Variants in RPS6KA6 observed in about 807,000 individuals in gnomAD.
RPS6KA6 encodes ribosomal protein S6 kinase alpha-6.
A neutral mutation model predicts 65.4 loss-of-function variants in RPS6KA6; 27 were observed. That is an observed-to-expected ratio of 0.41 (90% CI 0.30 to 0.57). The LOEUF (loss-of-function observed/expected upper bound fraction) is 0.57. Among genes scored for constraint, RPS6KA6 ranks in the 20% least tolerant of loss-of-function variants. RPS6KA6 has a pLI of 0.24. For synonymous variants in RPS6KA6, 190 were observed against 184.2 expected, an observed-to-expected ratio of 1.03 and a Z score of -0.26; for missense variants, 486 against 555.6, an observed-to-expected ratio of 0.87 and a Z score of 1.26.
chrX:84,088,738 A>G (rs910461407), intron 20 of RPS6KA6, among the ~76,000 whole-genome samples: 4 of 112,128 alleles, frequency 3.6e-5, no homozygotes, highest in Non-Finnish European at 7.5e-5. Context: ...TGAGTCGAAC[A>G]ACCTGCAGAG....
chrX:84,086,997 A>G (rs1411332065), intron 20 of RPS6KA6, among the ~76,000 whole-genome samples: 1 of 110,012 alleles, frequency 9.1e-6, no homozygotes, highest in Non-Finnish European at 1.9e-5. Flanking sequence ...TCTGTTTTCT[A>G]TTTGCTTGGT....
At chrX:84,066,895 TGCCGCTCTGGGA>T (rs902409914) in intron 20 of RPS6KA6, among the ~76,000 whole-genome samples, 5 of 111,456 alleles carry the variant, frequency 4.5e-5, no homozygotes, top group African/African-American at 1.6e-4. Context: ...ATCAGGCTGG[TGCCGCTCTGGGA>T]CGGAGCTTCC....
chrX:84,140,758 C>CATATATAT (rs1191737057), intron 6 of RPS6KA6, among the ~76,000 whole-genome samples: 8 of 79,348 alleles, frequency 1.0e-4, no homozygotes, highest in African/African-American at 2.6e-4. Context: ...AAAAAACATA[C>CATATATAT]ATATATATAT....
chrX:84,128,421 T>C (rs2034835519), intron 8 of RPS6KA6, among the ~76,000 whole-genome samples: 1 of 111,318 alleles, frequency 9.0e-6, no homozygotes, highest in Non-Finnish European at 1.9e-5. Flanking sequence ...GTTAAAATTG[T>C]CCATACTACC....
At chrX:84,186,851 G>C (rs1289856371) in intron 1 of RPS6KA6, 1 of 111,295 alleles carries the variant, frequency 9.0e-6, no homozygotes, top group Non-Finnish European at 1.9e-5. Context: ...AGTCGATTAA[G>C]TTATCAGAAA....
chrX:84,073,729 CTTTTTTTT>C (rs1004406855), intron 20 of RPS6KA6, among the ~76,000 whole-genome samples: 1 of 106,231 alleles, frequency 9.4e-6, no homozygotes, highest in Non-Finnish European at 2.0e-5. Flanking sequence ...TCTAAATAGA[CTTTTTTTT>C]TTCAAAAGAA....
chrX:84,117,969 G>A (rs1238269782), intron 9 of RPS6KA6, among the ~76,000 whole-genome samples: 1 of 110,299 alleles, frequency 9.1e-6, no homozygotes, highest in Non-Finnish European at 1.9e-5. Flanking sequence ...ACACACACAT[G>A]CCAATAGCTT....
At chrX:84,077,860 G>A (rs866759708) in intron 20 of RPS6KA6, among the ~76,000 whole-genome samples, 5 of 111,764 alleles carry the variant, frequency 4.5e-5, no homozygotes, top group Non-Finnish European at 5.6e-5. Context: ...TCAAAGTAGA[G>A]TTTCTATTGA....
chrX:84,125,270 CATT>C (rs1465725237), intron 8 of RPS6KA6, among the ~76,000 whole-genome samples: 1 of 111,778 alleles, frequency 8.9e-6, no homozygotes, highest in Non-Finnish European at 1.9e-5. Context: ...ATTATGCTGT[CATT>C]GTGGGGTATA....
chrX:84,098,393 C>T (rs1380217231), intron 18 of RPS6KA6, among the ~76,000 whole-genome samples: 1 of 111,430 alleles, frequency 9.0e-6, no homozygotes, highest in Non-Finnish European at 1.9e-5. Context: ...CACAAGTACA[C>T]ATTTGAAAAA....
At chrX:84,098,325 G>T (rs780228351) in intron 18 of RPS6KA6, among the ~76,000 whole-genome samples, 3 of 111,190 alleles carry the variant, frequency 2.7e-5, no homozygotes, top group Non-Finnish European at 5.7e-5. Context: ...AAAGCAGAAT[G>T]AATTTATATT....
chrX:84,137,466 G>C (rs1448154422), intron 6 of RPS6KA6, among the ~76,000 whole-genome samples: 1 of 110,887 alleles, frequency 9.0e-6, no homozygotes, highest in African/African-American at 3.3e-5. Flanking sequence ...AATGAATTAA[G>C]AATTTTTTTT....
chrX:84,137,341 T>C (rs1317101211), intron 6 of RPS6KA6, among the ~76,000 whole-genome samples: 1 of 112,024 alleles, frequency 8.9e-6, no homozygotes, highest in Non-Finnish European at 1.9e-5. Flanking sequence ...TTTACTGTAA[T>C]TTACCTAAAC....
chrX:84,071,528 A>G (rs1407107930), intron 20 of RPS6KA6, among the ~76,000 whole-genome samples: 1 of 111,651 alleles, frequency 9.0e-6, no homozygotes, highest in African/African-American at 3.3e-5. Flanking sequence ...TGCTGCCCAG[A>G]ATAAAGTTCA....
rs987005746 is a variant in RPS6KA6 at position 84,188,127 on chromosome X, C to A, written c.-228G>T. On this transcript the variant is annotated 5_prime_UTR_variant, in exon 1 of 22. Coordinates refer to ENST00000262752, the MANE Select transcript of RPS6KA6 (RefSeq NM_014496.5). ...TTCCCATAGAGAAGACAACTCTGTG[C>A]TGCCTCTCCAAGAGCTGCCGCTCGG... is the stretch of plus-strand genomic sequence containing the variant. 1.3e-4 allele frequency among the ~76,000 whole-genome samples: 14 copies of A among 111,076 alleles called. No homozygotes were observed. Among genetic ancestry groups the A allele is most frequent in the African/African-American group, 4.6e-4 (14 of 30,573 alleles).
At chrX:84,126,824 A>T (rs1030077221) in intron 8 of RPS6KA6, among the ~76,000 whole-genome samples, 3 of 111,254 alleles carry the variant, frequency 2.7e-5, no homozygotes, top group African/African-American at 9.8e-5. Flanking sequence ...AACATAAAAA[A>T]TCCTATGGAA....
chrX:84,174,193 A>T (rs2035728460), intron 1 of RPS6KA6, among the ~76,000 whole-genome samples: 1 of 111,867 alleles, frequency 8.9e-6, no homozygotes, highest in Non-Finnish European at 1.9e-5. Context: ...TCCCCAAAAC[A>T]CTTTAATCTT....
At chrX:84,158,698 A>G (rs2035455546) in intron 2 of RPS6KA6, among the ~76,000 whole-genome samples, 1 of 111,736 alleles carries the variant, frequency 8.9e-6, no homozygotes, top group African/African-American at 3.2e-5. Context: ...CCTAATGCTT[A>G]GCCATTTGCC....
intron 20 of RPS6KA6, among the ~76,000 whole-genome samples, chrX:84,093,102 G>C (rs1452861344): frequency 8.9e-6 from 1 of 112,196 alleles, no homozygotes; most frequent in African/African-American, 3.2e-5. Context: ...AATATCACAT[G>C]ATGTCACTTA....
Sources: allele counts gnomAD v4.1 joint callset (sites outside exome capture counted in the v4.1 genomes callset), GRCh38; gene constraint gnomAD v4.1.1; transcripts MANE v1.5; gene names NCBI Gene and HGNC (gene_info 2026-07-23, HGNC 2026-07-21).